The following FAM117B variants were observed in gnomAD, a reference collection of about 807,000 sequenced individuals.
FAM117B encodes protein FAM117B.
FAM117B carries 22 observed loss-of-function variants against 52.8 expected under a neutral mutation model. That is an observed-to-expected ratio of 0.42 (90% confidence interval 0.30 to 0.59). The LOEUF (loss-of-function observed/expected upper bound fraction) is 0.59, where lower values mean the gene tolerates loss of function less well. FAM117B is among the 20% of genes least tolerant of loss of function. The probability of loss-of-function intolerance (pLI) is 0.22; values close to 1 mark genes in which losing one functional copy is unlikely to be tolerated. For synonymous variants in FAM117B, 309 were observed against 324.1 expected, an observed-to-expected ratio of 0.95 and a Z score of 0.50; for missense variants, 678 against 802.6, an observed-to-expected ratio of 0.84 and a Z score of 1.88.
intron 7 of FAM117B, 128 bp from the exon 8 acceptor site, chr2:202,765,318 A>T: frequency 1.1e-6 from 1 of 910,044 alleles, no homozygotes; most frequent in Non-Finnish European, 1.7e-6. Context: ...CTTGAGTTTT[A>T]TATTCCTTTT....
At chr2:202,701,438 C>T (rs1240814703) in intron 2 of FAM117B, among the ~76,000 whole-genome samples, 1 of 152,106 alleles carries the variant, frequency 6.6e-6, no homozygotes, top group East Asian at 1.9e-4. Context: ...CATTTTGCAG[C>T]CCATGGTTCC....
intron 1 of FAM117B, among the ~76,000 whole-genome samples, chr2:202,664,747 T>G (rs1250398992): frequency 6.6e-6 from 1 of 152,106 alleles, no homozygotes; most frequent in Non-Finnish European, 1.5e-5. Flanking sequence ...ACGTGCCTCA[T>G]TTGCCTTACC....
At chr2:202,749,555 A>T (rs1574303340) in intron 4 of FAM117B, among the ~76,000 whole-genome samples, 1 of 152,110 alleles carries the variant, frequency 6.6e-6, no homozygotes, top group African/African-American at 2.4e-5. Flanking sequence ...TAAAATTATT[A>T]ATAGTTGTTA....
Position 202,671,747 on chromosome 2 carries a change from A to AT in FAM117B, c.602-24133dup, listed in dbSNP as rs568485045. On this transcript the variant is annotated intron_variant, in intron 1 of 7. Transcript: ENST00000392238. ...AGCAGTGTAAGTACCTACCCTAACCATGCCGCTCCCACGCTGGTTCACTTT... is the reference window on the plus strand; with the variant it reads ...AGCAGTGTAAGTACCTACCCTAACCATTGCCGCTCCCACGCTGGTTCACTTT... Among the ~76,000 whole-genome samples the AT allele has an allele frequency of 6.6e-5, 10 of 152,302 alleles. No homozygotes were observed. The South Asian group carries it at 2.1e-3, about 32-fold the overall frequency.
At chr2:202,760,922 G>C (rs1221667981) in intron 7 of FAM117B, among the ~76,000 whole-genome samples, 1 of 152,124 alleles carries the variant, frequency 6.6e-6, no homozygotes, top group Non-Finnish European at 1.5e-5. Flanking sequence ...TGCCAGCCCT[G>C]CTGAGACAGG....
chr2:202,659,985 T>C (rs1690106006), intron 1 of FAM117B, among the ~76,000 whole-genome samples: 1 of 152,068 alleles, frequency 6.6e-6, no homozygotes. Flanking sequence ...TTTCTGTTGA[T>C]CTATTTTTAG....
At chr2:202,635,926 G>A in intron 1 of FAM117B, 138 bp downstream of exon 1, 2 of 919,510 alleles carry the variant, frequency 2.2e-6, no homozygotes, top group Non-Finnish European at 2.6e-6. Flanking sequence ...GGTGCCGGGC[G>A]GTGGGGGACC....
intron 2 of FAM117B, among the ~76,000 whole-genome samples, chr2:202,714,474 A>G (rs150522528): frequency 0.017 from 2,356 of 136,868 alleles, 64 homozygotes; most frequent in African/African-American, 0.06. Flanking sequence ...TGCTTTATAT[A>G]TTTGTGTGCT....
At chr2:202,701,846 G>C (rs919428932) in intron 2 of FAM117B, among the ~76,000 whole-genome samples, 3 of 152,166 alleles carry the variant, frequency 2.0e-5, no homozygotes, top group African/African-American at 7.2e-5. Context: ...AAATAAAGTG[G>C]TTTCTTGAGA....
chr2:202,769,287 TC>T lies in FAM117B; in HGVS notation c.*3524del, dbSNP rs1692035710. The T allele has an allele frequency of 6.6e-6, 1 of 152,630 alleles. No homozygotes were observed. The highest frequency in any genetic ancestry group is 2.4e-5 in the African/African-American group (1 of 41,466). The allele number at this position is 152,630 out of a possible 1,614,324, so 9.5% of individuals were successfully genotyped here. A position where few individuals can be genotyped will look rare whatever the true frequency, so the allele number is the denominator to read the frequency against. On this transcript the variant is annotated 3_prime_UTR_variant, in exon 8 of 8. Transcript: ENST00000392238. ...GACTAGGACTGGGTTATAAAGATTT[TC>T]TTTTGTGAAGGAAAATAAAAGAAAA...
At chr2:202,708,109 C>T (rs1327369240) in intron 2 of FAM117B, among the ~76,000 whole-genome samples, 1 of 152,138 alleles carries the variant, frequency 6.6e-6, no homozygotes, top group African/African-American at 2.4e-5. Flanking sequence ...CTACTCTCAA[C>T]AAAATTTTAC....
intron 3 of FAM117B, 144 bp downstream of exon 3, chr2:202,725,153 T>C (rs759558886): frequency 5.1e-5 from 26 of 508,254 alleles, no homozygotes; most frequent in Non-Finnish European, 7.7e-5. Flanking sequence ...AAAACAATTA[T>C]TGTGTTGATT....
chr2:202,638,761 T>G (rs1336073660), intron 1 of FAM117B, among the ~76,000 whole-genome samples: 2 of 152,078 alleles, frequency 1.3e-5, no homozygotes, highest in Non-Finnish European at 2.9e-5. Context: ...TGAGGTCAGG[T>G]TTAATACCTG....
Position 202,651,376 on chromosome 2 carries a change from C to CT in FAM117B, c.601+15601dup, listed in dbSNP as rs1201243793. Among the ~76,000 whole-genome samples, 479 of 146,746 alleles carry CT rather than the reference C, an allele frequency of 3.3e-3. 1 individual carries two copies. Among genetic ancestry groups the CT allele is most frequent in the Non-Finnish European group, 5.4e-3 (356 of 66,408 alleles). ...GCTCCGGGCCCTTAATTTACCATTCCTTTTTTTTTTTTTGAGATGGAGTTT... is the reference window on the plus strand; with the variant it reads ...GCTCCGGGCCCTTAATTTACCATTCCTTTTTTTTTTTTTTGAGATGGAGTTT... On this transcript the variant is annotated intron_variant, in intron 1 of 7. Coordinates refer to ENST00000392238, the MANE Select transcript of FAM117B (RefSeq NM_173511.4).
In FAM117B at chr2:202,767,737, ATT is replaced by A. The variant is rs1692005116; in HGVS notation, c.*1975_*1976del. 1 of 152,214 alleles carries A rather than the reference ATT, an allele frequency of 6.6e-6. No individual in the cohort carries two copies. Among genetic ancestry groups the A allele is most frequent in the Non-Finnish European group, 1.5e-5 (1 of 68,026 alleles). The allele number at this position is 152,214 out of a possible 1,614,324, so 9.4% of individuals were successfully genotyped here. ...CATGTACCTTTAAAACATCTAAGCA[ATT>A]TAAAATAATCCCTGTTGAGTTTAAA... On this transcript the variant is annotated 3_prime_UTR_variant, in exon 8 of 8. Transcript: ENST00000392238.
chr2:202,721,384 C>CAGAA (rs1691149682), intron 2 of FAM117B, among the ~76,000 whole-genome samples: 1 of 150,602 alleles, frequency 6.6e-6, no homozygotes, highest in African/African-American at 2.5e-5. Context: ...AAAACTTATT[C>CAGAA]TGTTTCTATC....
At position 202,637,416 on chromosome 2, in the gene FAM117B, CCCGG is replaced by C. The variant is rs1284411400; in HGVS notation, c.601+1630_601+1633del. On this transcript the variant is annotated intron_variant, in intron 1 of 7. Transcript: ENST00000392238. ...GGGATTACAGGCACCCGCCATCATG[CCCGG>C]CTAATTTTTGTATTTTAGTAGAGAT... 3.9e-5 allele frequency among the ~76,000 whole-genome samples: 6 copies of C among 151,970 alleles called. No homozygotes were observed. In the East Asian group the frequency reaches 1.2e-3, roughly 29 times the overall value.
intron 1 of FAM117B, among the ~76,000 whole-genome samples, chr2:202,671,507 C>T (rs1443525438): frequency 6.6e-6 from 1 of 152,176 alleles, no homozygotes; most frequent in East Asian, 1.9e-4. Flanking sequence ...TGAGTATGCT[C>T]CTTCAGGCAG....
chr2:202,734,486 A>C (rs1691408867), intron 4 of FAM117B, among the ~76,000 whole-genome samples: 1 of 152,226 alleles, frequency 6.6e-6, no homozygotes, highest in South Asian at 2.1e-4. Flanking sequence ...AATATATAAA[A>C]TACAAATACA....
Sources: allele counts gnomAD v4.1 joint callset (sites outside exome capture counted in the v4.1 genomes callset), GRCh38; gene constraint gnomAD v4.1.1; transcripts MANE v1.5; gene names NCBI Gene and HGNC (gene_info 2026-07-23, HGNC 2026-07-21).